ETV1: variants seen among roughly 807,000 people sequenced by gnomAD.
The protein encoded by ETV1 is ETS translocation variant 1.
Under a neutral mutation model 62.3 loss-of-function variants are expected in ETV1, and 27 were observed. That is an observed-to-expected ratio of 0.43 (90% confidence interval 0.32 to 0.60). ETV1 has a LOEUF of 0.60. Among genes scored for constraint, ETV1 ranks in the 20% least tolerant of loss-of-function variants. The pLI is 0.06. For synonymous variants in ETV1, 222 were observed against 199.6 expected (o/e 1.11, Z -0.94); for missense variants, 605 against 605.8 (o/e 1.00, Z 0.01).
At chr7:13,942,716 C>CGACATG (rs1787703211) in intron 6 of ETV1, among the ~76,000 whole-genome samples, 3 of 151,898 alleles carry the variant, frequency 2.0e-5, no homozygotes, top group Admixed American at 1.3e-4. Flanking sequence ...AAAGGAGCAG[C>CGACATG]GACATATAAG....
In ETV1 at chr7:13,896,703, A is replaced by AGAAAGAAAGGAGAGAGAAG. The variant is rs1190514584; in HGVS notation, c.1213-617_1213-616insCTTCTCTCTCCTTTCTTTC. Among the ~76,000 whole-genome samples the AGAAAGAAAGGAGAGAGAAG allele has an allele frequency of 1.4e-4, 21 of 151,348 alleles. 1 individual carries two copies. Among genetic ancestry groups the AGAAAGAAAGGAGAGAGAAG allele is most frequent in the African/African-American group, 4.6e-4 (19 of 41,292 alleles). On this transcript the variant is annotated intron_variant, in intron 13 of 13. Coordinates refer to ENST00000430479, the MANE Select transcript of ETV1 (RefSeq NM_004956.5). The stretch of plus-strand genomic sequence containing the variant: ...AGAAAGAAAGAAAAGAGAGAGAGAA[A>AGAAAGAAAGGAGAGAGAAG]GAAAGAAAGGAGAGAGAAAGAAAAA...
intron 6 of ETV1, among the ~76,000 whole-genome samples, chr7:13,964,426 C>T (rs1041870200): frequency 2.0e-5 from 3 of 151,958 alleles, no homozygotes; most frequent in Non-Finnish European, 2.9e-5. Flanking sequence ...TTGAAAAGTT[C>T]TGGGGGATAA....
intron 6 of ETV1, among the ~76,000 whole-genome samples, chr7:13,943,667 GGAAT>G (rs1300614214): frequency 6.6e-6 from 1 of 152,078 alleles, no homozygotes; most frequent in African/African-American, 2.4e-5. Flanking sequence ...TGCATACAAT[GGAAT>G]GAATACAGGA....
At chr7:13,956,478 C>T (rs1413039844) in intron 6 of ETV1, among the ~76,000 whole-genome samples, 2 of 152,184 alleles carry the variant, frequency 1.3e-5, no homozygotes, top group African/African-American at 4.8e-5. Flanking sequence ...TCACCTGTTA[C>T]TAAATTTGCC....
chr7:13,956,386 A>G lies in ETV1; in HGVS notation c.236-17140T>C, dbSNP rs113219883. Among the ~76,000 whole-genome samples the G allele has an allele frequency of 4.2e-3, 645 of 151,892 alleles. 6 individuals are homozygous for G. The highest frequency in any genetic ancestry group is 0.015 in the African/African-American group (604 of 41,426). On this transcript the variant is annotated intron_variant, in intron 6 of 13. Transcript: ENST00000430479. ...ATTCCAGGAGTGTACCCTTAAGGCT[A>G]TATTACAGGAGAGAACTCCATATAA... is the stretch of plus-strand genomic sequence containing the variant.
At chr7:13,967,625 G>C (rs1012756499) in intron 6 of ETV1, among the ~76,000 whole-genome samples, 3 of 151,878 alleles carry the variant, frequency 2.0e-5, no homozygotes, top group Non-Finnish European at 4.4e-5. Flanking sequence ...ACTCTCATTA[G>C]GAAAAAATTC....
intron 5 of ETV1, chr7:13,985,323 T>C (rs1782439389): frequency 6.6e-6 from 1 of 152,134 alleles, no homozygotes; most frequent in Admixed American, 6.5e-5. Context: ...AAATGATCCT[T>C]AAATATAGCC....
chr7:13,978,231 G>A (rs972281592), intron 5 of ETV1, among the ~76,000 whole-genome samples: 2 of 152,022 alleles, frequency 1.3e-5, no homozygotes, highest in East Asian at 3.8e-4. Context: ...TTTTAGTCAA[G>A]GAAAAATACT....
intron 4 of ETV1, 38 bp downstream of exon 4, chr7:13,988,048 G>GT (rs1202248214): frequency 8.3e-7 from 1 of 1,200,032 alleles, no homozygotes; most frequent in East Asian, 2.3e-5. Flanking sequence ...GAGAGTGTAG[G>GT]TAAAAAAATG....
At chr7:13,921,474 GA>G (rs1562618337) in intron 9 of ETV1, among the ~76,000 whole-genome samples, 1 of 152,066 alleles carries the variant, frequency 6.6e-6, no homozygotes, top group African/African-American at 2.4e-5. Flanking sequence ...CTCCGAAGGG[GA>G]AAAAAACACT....
rs377210382 is a variant in ETV1 at position 13,938,687 on chromosome 7, G to A, written c.365+430C>T. The stretch of plus-strand genomic sequence containing the variant: ...AGCCTTATGAAATTCCAGTTTTATT[G>A]CAATTGTCCATGAACTCATCTTACA... On this transcript the variant is annotated intron_variant, in intron 7 of 13. Transcript: ENST00000430479. Among the ~76,000 whole-genome samples, 19 of 152,242 alleles carry A rather than the reference G, an allele frequency of 1.2e-4. No homozygotes were observed. The East Asian group carries it at 2.1e-3, about 17-fold the overall frequency.
chr7:13,982,966 G>A (rs555269747), intron 5 of ETV1, among the ~76,000 whole-genome samples: 1 of 151,984 alleles, frequency 6.6e-6, no homozygotes, highest in African/African-American at 2.4e-5. Flanking sequence ...AGCGAATTGA[G>A]GGGAAAGTAA....
intron 6 of ETV1, among the ~76,000 whole-genome samples, chr7:13,957,297 A>G (rs549412708): frequency 1.3e-5 from 2 of 152,026 alleles, no homozygotes; most frequent in African/African-American, 4.8e-5. Context: ...CGTGTTAGCC[A>G]GGATGGTCTC....
At chr7:13,902,843 G>A (rs1383884468) in intron 12 of ETV1, among the ~76,000 whole-genome samples, 2 of 152,166 alleles carry the variant, frequency 1.3e-5, no homozygotes, top group African/African-American at 4.8e-5. Context: ...ATACCACAGA[G>A]TTTGATACTT....
At chr7:13,988,657 A>G in intron 3 of ETV1, 1 of 1,590,452 alleles carries the variant, frequency 6.3e-7, no homozygotes, top group Non-Finnish European at 8.5e-7. Context: ...ATATAAACAA[A>G]AAGTGTCAGC....
intron 6 of ETV1, among the ~76,000 whole-genome samples, chr7:13,969,514 T>A (rs1780655913): frequency 6.6e-6 from 1 of 152,144 alleles, no homozygotes; most frequent in Admixed American, 6.5e-5. Flanking sequence ...ATTTTACAAT[T>A]AAGTATATGA....
chr7:13,953,431 A>T (rs2128474415), intron 6 of ETV1, among the ~76,000 whole-genome samples: 1 of 152,286 alleles, frequency 6.6e-6, no homozygotes, highest in South Asian at 2.1e-4. Context: ...CTGCCTAGTA[A>T]TTCTGTAGTT....
chr7:13,931,913 A>G (rs780410046), intron 8 of ETV1, among the ~76,000 whole-genome samples, 164 bp from the exon 9 acceptor site: 3 of 152,086 alleles, frequency 2.0e-5, no homozygotes, highest in Non-Finnish European at 4.4e-5. Flanking sequence ...TAGTAGCTCT[A>G]TGTTTTTTAA....
At chr7:13,949,405 A>C (rs1788539057) in intron 6 of ETV1, among the ~76,000 whole-genome samples, 2 of 152,210 alleles carry the variant, frequency 1.3e-5, no homozygotes, top group Non-Finnish European at 2.9e-5. Flanking sequence ...TCTAGAAGCA[A>C]AGGGGAAGGC....
Sources: allele counts gnomAD v4.1 joint callset (sites outside exome capture counted in the v4.1 genomes callset), GRCh38; gene constraint gnomAD v4.1.1; transcripts MANE v1.5; gene names NCBI Gene and HGNC (gene_info 2026-07-23, HGNC 2026-07-21).